MDH2: variants seen among roughly 807,000 people sequenced by gnomAD.
MDH2 encodes the protein malate dehydrogenase, mitochondrial.
MDH2 carries 25 observed loss-of-function variants against 33.6 expected under a neutral mutation model. The ratio of observed to expected loss-of-function variants is 0.74; its 90% confidence interval spans 0.54 to 1.04. The LOEUF (loss-of-function observed/expected upper bound fraction) is 1.04. Ranked by LOEUF, MDH2 falls within the 50% of genes least tolerant of loss-of-function variation. The probability of loss-of-function intolerance (pLI) is 0.00; values close to 1 mark genes in which losing one functional copy is unlikely to be tolerated. For synonymous variants in MDH2, 193 were observed against 188.7 expected, an observed-to-expected ratio of 1.02 and a Z score of -0.19; for missense variants, 432 against 445.0, an observed-to-expected ratio of 0.97 and a Z score of 0.26.
intron 1 of MDH2, among the ~76,000 whole-genome samples, chr7:76,050,527 C>G (rs996082626): frequency 2.0e-5 from 3 of 152,148 alleles, no homozygotes; most frequent in Non-Finnish European, 4.4e-5. Context: ...AGGGTAGTTC[C>G]AGAGAAGGCA....
At chr7:76,059,298 A>G (rs1797875437) in intron 4 of MDH2, among the ~76,000 whole-genome samples, 1 of 152,138 alleles carries the variant, frequency 6.6e-6, no homozygotes, top group South Asian at 2.1e-4. Context: ...ATAATTTCAG[A>G]CCTCAACTGA....
chr7:76,048,140 G>A lies in MDH2; in HGVS notation c.-21G>A, dbSNP rs1554584412. On this transcript the variant is annotated 5_prime_UTR_variant, in exon 1 of 9. Transcript: ENST00000315758. ...TCACCAGCTCCTGTGCCTGCCAGTCGGTGCCCCTCCCGCTCCAGCCATGCT... is the reference window on the plus strand; with the variant it reads ...TCACCAGCTCCTGTGCCTGCCAGTCAGTGCCCCTCCCGCTCCAGCCATGCT... 5 of 1,536,450 alleles carry A rather than the reference G, an allele frequency of 3.3e-6. No homozygotes were observed. The highest frequency in any genetic ancestry group is 4.4e-6 in the Non-Finnish European group (5 of 1,146,454).
chr7:76,048,471 C>G, intron 1 of MDH2: 2 of 1,213,690 alleles, frequency 1.6e-6, no homozygotes, highest in South Asian at 3.7e-5. Flanking sequence ...AGGGTTCCCC[C>G]AGGTCTCCCA....
At position 76,060,445 on chromosome 7, in the gene MDH2, G is replaced by A. The variant is rs782546937; in HGVS notation, c.502G>A (p.Gly168Ser). The change falls in exon 5 of 9, where the codon GGC (glycine) becomes AGC (serine). Residue 168 changes from glycine (G) to serine (S), a missense_variant. By Grantham distance (56) the Gly-to-Ser change is moderately conservative. Transcript: ENST00000315758. ...HGVYNPNKIFGVTTLDIVRAN... is the reference protein window; with the variant it reads ...HGVYNPNKIFSVTTLDIVRAN... ...AGTGTACAACCCCAACAAAATCTTC[G>A]GCGTGACGACCCTGGACATCGTCAG... 22 of 1,613,994 alleles carry A rather than the reference G, an allele frequency of 1.4e-5. No homozygotes were observed. The highest frequency in any genetic ancestry group is 3.3e-5 in the Admixed American group (2 of 60,004).
intron 1 of MDH2, among the ~76,000 whole-genome samples, chr7:76,052,701 T>C (rs1240408175): frequency 6.6e-6 from 1 of 151,740 alleles, no homozygotes; most frequent in African/African-American, 2.4e-5. Flanking sequence ...CGCGCCACCA[T>C]GTCTGGCTAA....
intron 1 of MDH2, among the ~76,000 whole-genome samples, chr7:76,051,165 G>A (rs1032782328): frequency 2.0e-5 from 3 of 152,056 alleles, no homozygotes; most frequent in East Asian, 1.9e-4. Flanking sequence ...GATTATAGAC[G>A]TGAGCCACCA....
chr7:76,055,469 C>T (rs1554586130), intron 2 of MDH2, among the ~76,000 whole-genome samples: 3 of 152,122 alleles, frequency 2.0e-5, no homozygotes, highest in African/African-American at 7.2e-5. Context: ...AGTGCAGTGG[C>T]TTATACCTGT....
intron 7 of MDH2, 44 bp downstream of exon 7, chr7:76,064,482 T>G (rs782627500): frequency 2.0e-6 from 3 of 1,508,646 alleles, no homozygotes; most frequent in Non-Finnish European, 2.7e-6. Context: ...AGTGAGGCCC[T>G]GCGAGAGCTC....
In MDH2 at chr7:76,048,202, C is replaced by T. The variant is rs1554584484; in HGVS notation, c.42C>T (p.Arg14=). The T allele has an allele frequency of 6.5e-6, 10 of 1,536,364 alleles. No individual in the cohort carries two copies. The highest frequency in any genetic ancestry group is 8.7e-6 in the Non-Finnish European group (10 of 1,146,852). ...ALARPASAAL[R]RSFSTSAQNN... ...CCCGGCCTGCCAGCGCTGCTCTCCG[C>T]CGCAGCTTCAGCACCTCGGCCCAGG... Residue 14 remains arginine, a synonymous_variant, in exon 1 of 9, where the codon CGC becomes CGT. Transcript: ENST00000315758.
chr7:76,061,379 C>T (rs1797945623), intron 5 of MDH2, among the ~76,000 whole-genome samples: 1 of 152,124 alleles, frequency 6.6e-6, no homozygotes, highest in Non-Finnish European at 1.5e-5. Context: ...TACCCGAGGG[C>T]CTGGTAGTGG....
intron 7 of MDH2, 29 bp from the exon 8 acceptor site, chr7:76,064,773 G>A: frequency 5.0e-6 from 8 of 1,601,788 alleles, no homozygotes; most frequent in Non-Finnish European, 6.8e-6. Flanking sequence ...TGTGGCACCA[G>A]CCAGGCTGAC....
At chr7:76,048,406 G>C in intron 1 of MDH2, 180 bp downstream of exon 1, 1 of 1,149,898 alleles carries the variant, frequency 8.7e-7, no homozygotes, top group Non-Finnish European at 1.2e-6. Context: ...GTGCGGGGGA[G>C]AAAGCCGGGG....
chr7:76,048,709 C>A, intron 1 of MDH2: 1 of 1,237,878 alleles, frequency 8.1e-7, no homozygotes, highest in South Asian at 3.9e-5. Flanking sequence ...GGGTTACAGT[C>A]ATTTGGCCAG....
chr7:76,057,408 A>C lies in MDH2; in HGVS notation c.236-2A>C, dbSNP rs2116673209. On this transcript the variant is annotated splice_acceptor_variant, in intron 2 of 8. Coordinates refer to ENST00000315758, the MANE Select transcript of MDH2 (RefSeq NM_005918.4). LOFTEE classifies it high-confidence loss of function. ...ATTTCTCTTGTGGGGTGTTTGTTCT[A>C]GGCTACCTCGGACCTGAACAGCTGC... 1.2e-6 allele frequency: 2 copies of C among 1,614,080 alleles called. No homozygotes were observed. Among genetic ancestry groups the C allele is most frequent in the Non-Finnish European group, 1.7e-6 (2 of 1,180,002 alleles).
Sources: gnomAD v4.1 joint callset for allele counts (sites outside exome capture counted in the v4.1 genomes callset) on GRCh38, gnomAD v4.1.1 for gene constraint, MANE v1.5 for transcripts, NCBI Gene and HGNC (gene_info 2026-07-23, HGNC 2026-07-21) for gene names.